Variants in UMODL1 observed in about 807,000 individuals in gnomAD.
The protein encoded by UMODL1 is uromodulin like 1.
In UMODL1, 128 loss-of-function variants were observed where a neutral mutation model predicts 136.3. The observed-to-expected ratio is 0.94, with a 90% CI of 0.81 to 1.09. UMODL1 has a LOEUF of 1.09. Among genes scored for constraint, UMODL1 ranks in the 50% least tolerant of loss-of-function variants. The pLI is 0.00. For missense variants in UMODL1, 1,766 were observed against 1,725.6 expected (o/e 1.02, Z -0.41); for synonymous variants, 721 against 720.0 (o/e 1.00, Z -0.02).
upstream of UMODL1, among the ~76,000 whole-genome samples, chr21:42,069,832 T>C (rs751973197): frequency 6.6e-6 from 1 of 152,128 alleles, no homozygotes. Context: ...TAAATCATAA[T>C]ACTTTTTATT....
intron 6 of UMODL1, among the ~76,000 whole-genome samples, chr21:42,096,572 C>G (rs1344427824): frequency 2.0e-5 from 3 of 152,214 alleles, no homozygotes; most frequent in Admixed American, 2.0e-4. Context: ...CAGAAGCACT[C>G]CTTATAGAAT....
chr21:42,130,823 T>C (rs1247138733), intron 21 of UMODL1, among the ~76,000 whole-genome samples: 1 of 151,876 alleles, frequency 6.6e-6, no homozygotes, highest in African/African-American at 2.4e-5. Flanking sequence ...TTTTTTTTTT[T>C]TTTTGAGACG....
chr21:42,088,940 A>C (rs2066459556), intron 5 of UMODL1, among the ~76,000 whole-genome samples: 2 of 152,192 alleles, frequency 1.3e-5, no homozygotes. Context: ...CTCCTTCAGC[A>C]CAATTTGTCT....
chr21:42,141,677 G>T (rs1287706433), intron 22 of UMODL1, among the ~76,000 whole-genome samples: 2 of 152,206 alleles, frequency 1.3e-5, no homozygotes, highest in African/African-American at 4.8e-5. Flanking sequence ...AGTTCCTGCA[G>T]ACATCTGCTC....
rs1385659449 is a variant in UMODL1, at chr21:42,104,088, G to A, written c.1519+1G>A. 6.2e-7 allele frequency: 1 copy of A among 1,602,898 alleles called. No homozygotes were observed. The highest frequency in any genetic ancestry group is 8.5e-7 in the Non-Finnish European group (1 of 1,171,902). Reference sequence around the variant, plus strand: ...GACCGGCAGGGGACACGCGTGCAAGGTATGGCCCAGCCACCCGCCCTGCTG... The same window carrying A: ...GACCGGCAGGGGACACGCGTGCAAGATATGGCCCAGCCACCCGCCCTGCTG... On this transcript the variant is annotated splice_donor_variant, in intron 9 of 22. Coordinates refer to ENST00000408910, the MANE Select transcript of UMODL1 (RefSeq NM_001004416.3). LOFTEE classifies it high-confidence loss of function.
chr21:42,128,157 G>A (rs1418426555), intron 20 of UMODL1: 3 of 417,942 alleles, frequency 7.2e-6, no homozygotes, highest in South Asian at 5.6e-5. Context: ...TGATTTATAG[G>A]TGTAAAAATA....
At chr21:42,068,806 C>T (rs114290655), upstream of UMODL1, among the ~76,000 whole-genome samples, 1,566 of 152,108 alleles carry the variant, frequency 0.01, 36 homozygotes, top group African/African-American at 0.036. This position sits in a 1 kb window ranked among gnomAD's most constrained non-coding sequence, Gnocchi z 5.5. Context: ...CTGTATGTGT[C>T]GGTGCACATG....
intron 17 of UMODL1, 79 bp from the exon 18 acceptor site, chr21:42,126,266 A>G: frequency 6.3e-7 from 1 of 1,590,652 alleles, no homozygotes; most frequent in South Asian, 1.1e-5. Flanking sequence ...TCCCCCCAGC[A>G]CCTAGAGCCG....
At position 42,111,620 on chromosome 21, in the gene UMODL1, A is replaced by C. The variant is rs1404376349; in HGVS notation, c.2014A>C (p.Thr672Pro). 1 of 1,614,098 alleles carries C rather than the reference A, an allele frequency of 6.2e-7. No individual in the cohort carries two copies. The highest frequency in any genetic ancestry group is 8.5e-7 in the Non-Finnish European group (1 of 1,179,982). ...CACCCGGGAAACACTTCTGAATCCCACGTGGCTGCGAAATGAGGACAGTGG... is the reference window on the plus strand; with the variant it reads ...CACCCGGGAAACACTTCTGAATCCCCCGTGGCTGCGAAATGAGGACAGTGG... ...RSTRETLLNP[T>P]WLRNEDSGPS... The change falls in exon 12 of 23, where the codon ACG becomes CCG. Residue 672 changes from threonine (T) to proline (P), a missense_variant. Physicochemically the swap from Thr to Pro is conservative, Grantham distance 38. Transcript: ENST00000408910.
At chr21:42,083,609 C>T (rs1161801482) in intron 2 of UMODL1, among the ~76,000 whole-genome samples, 1 of 152,274 alleles carries the variant, frequency 6.6e-6, no homozygotes, top group East Asian at 1.9e-4. Flanking sequence ...GGCTCTCACC[C>T]CATCTGAATA....
chr21:42,127,428 G>C (rs2067074443), intron 19 of UMODL1, among the ~76,000 whole-genome samples, 186 bp downstream of exon 19: 1 of 152,214 alleles, frequency 6.6e-6, no homozygotes, highest in African/African-American at 2.4e-5. Context: ...AACAGGTAGG[G>C]CTCAAGCAGG....
intron 6 of UMODL1, chr21:42,093,265 T>G (rs2066514070): frequency 6.6e-6 from 1 of 152,332 alleles, no homozygotes. Context: ...CAGGCTGGAG[T>G]GCAGTGGCGT....
At chr21:42,131,003 C>T (rs7283102) in intron 21 of UMODL1, among the ~76,000 whole-genome samples, 4,183 of 152,060 alleles carry the variant, frequency 0.028, 218 homozygotes, top group African/African-American at 0.095. Context: ...TTAGTAGAGA[C>T]GGAGTTTCAC....
chr21:42,075,415 A>C (rs555542688), intron 1 of UMODL1, among the ~76,000 whole-genome samples: 30 of 152,192 alleles, frequency 2.0e-4, no homozygotes, highest in African/African-American at 6.7e-4. Flanking sequence ...GAGCGACCGC[A>C]CTCCACAGGT....
At chr21:42,094,896 C>CA (rs1264869398) in intron 6 of UMODL1, among the ~76,000 whole-genome samples, 1 of 152,054 alleles carries the variant, frequency 6.6e-6, no homozygotes, top group African/African-American at 2.4e-5. Context: ...TGGCTTCAAA[C>CA]AAGAGAAATG....
rs1038555003 is a variant in UMODL1 at position 42,099,424 on chromosome 21, G to A, written c.1186+244G>A. Among the ~76,000 whole-genome samples, 13 of 152,188 alleles carry A rather than the reference G, an allele frequency of 8.5e-5. No individual in the cohort carries two copies. The highest frequency in any genetic ancestry group is 5.2e-4 in the Admixed American group (8 of 15,294). Reference sequence around the variant, plus strand: ...CGTCCTGTTAGGGGTTCGTTCTGCCGTGTGAGGGGACAACATGTGGACTCA... The same window carrying A: ...CGTCCTGTTAGGGGTTCGTTCTGCCATGTGAGGGGACAACATGTGGACTCA... On this transcript the variant is annotated intron_variant, in intron 7 of 22. Transcript: ENST00000408910. The surrounding 1 kb of genome is among the most constrained non-coding windows in gnomAD (Gnocchi z 4.1).
At chr21:42,129,490 T>C (rs1313767972) in intron 20 of UMODL1, among the ~76,000 whole-genome samples, 2 of 152,094 alleles carry the variant, frequency 1.3e-5, no homozygotes, top group Non-Finnish European at 2.9e-5. Flanking sequence ...CAGACCTCAC[T>C]TCCTTCCCCG....
chr21:42,111,127 C>T lies in UMODL1; in HGVS notation c.1899+6C>T, dbSNP rs559924472. ...GAAAAGGCGTGGAGCAGGAGGTGCC[C>T]AGCACTGCCCCGGGTCTGGGGATGG... is the stretch of plus-strand genomic sequence containing the variant. On this transcript the variant is annotated splice_donor_region_variant and intron_variant, in intron 11 of 22. Coordinates refer to ENST00000408910, the MANE Select transcript of UMODL1 (RefSeq NM_001004416.3). The T allele has an allele frequency of 1.3e-5, 21 of 1,604,080 alleles. No homozygotes were observed. The highest frequency in any genetic ancestry group is 1.8e-5 in the Non-Finnish European group (21 of 1,175,736).
At chr21:42,075,595 G>C (rs1340123887) in intron 1 of UMODL1, among the ~76,000 whole-genome samples, 1 of 152,226 alleles carries the variant, frequency 6.6e-6, no homozygotes, top group Non-Finnish European at 1.5e-5. Context: ...ATGTGCACGA[G>C]ATTCTACGGC....
Sources: allele counts gnomAD v4.1 joint callset (sites outside exome capture counted in the v4.1 genomes callset), GRCh38; gene constraint gnomAD v4.1.1; non-coding constraint Gnocchi (gnomAD v3.1); transcripts MANE v1.5; gene names NCBI Gene and HGNC (gene_info 2026-07-23, HGNC 2026-07-21).